The following PPM1L variants were observed in gnomAD, a reference collection of about 807,000 sequenced individuals.
PPM1L encodes the protein protein phosphatase 1L.
PPM1L carries 13 observed loss-of-function variants against 31.4 expected under a neutral mutation model. The ratio of observed to expected loss-of-function variants is 0.41; its 90% CI spans 0.27 to 0.66. PPM1L has a LOEUF of 0.66. Among genes scored for constraint, PPM1L ranks in the 30% least tolerant of loss-of-function variants. PPM1L has a pLI of 0.29. For synonymous variants in PPM1L, 184 were observed against 175.4 expected, an observed-to-expected ratio of 1.05 and a Z score of -0.39; for missense variants, 326 against 453.7, an observed-to-expected ratio of 0.72 and a Z score of 2.56.
intron 2 of PPM1L, among the ~76,000 whole-genome samples, chr3:160,980,896 CTT>C (rs1346234645): frequency 1.3e-5 from 2 of 152,034 alleles, no homozygotes; most frequent in Non-Finnish European, 2.9e-5. Flanking sequence ...TAGTCTTTCT[CTT>C]GTTTTTGCTG....
chr3:160,998,975 G>A (rs1165663662), intron 2 of PPM1L, among the ~76,000 whole-genome samples: 1 of 152,112 alleles, frequency 6.6e-6, no homozygotes, highest in Non-Finnish European at 1.5e-5. Context: ...AGAAAAGAAA[G>A]CCGGTGGTGA....
chr3:160,770,373 A>G (rs564071177), intron 1 of PPM1L, among the ~76,000 whole-genome samples: 1 of 152,330 alleles, frequency 6.6e-6, no homozygotes, highest in South Asian at 2.1e-4. Context: ...GAATGTAAAA[A>G]TGCCTTCAGT....
At chr3:160,849,919 C>A (rs1469430602) in intron 1 of PPM1L, among the ~76,000 whole-genome samples, 1 of 152,156 alleles carries the variant, frequency 6.6e-6, no homozygotes, top group African/African-American at 2.4e-5. Context: ...TGATACTTCG[C>A]TTCTGGCCAC....
At chr3:160,846,033 T>C (rs1714064669) in intron 1 of PPM1L, among the ~76,000 whole-genome samples, 1 of 152,064 alleles carries the variant, frequency 6.6e-6, no homozygotes, top group Non-Finnish European at 1.5e-5. Context: ...TAAAGGTGCT[T>C]CATAATACCA....
chr3:160,879,445 C>T (rs1267972704), intron 1 of PPM1L, among the ~76,000 whole-genome samples: 1 of 151,924 alleles, frequency 6.6e-6, no homozygotes, highest in Non-Finnish European at 1.5e-5. Flanking sequence ...TCTCCAAGGT[C>T]CCCCTCCCCA....
intron 1 of PPM1L, among the ~76,000 whole-genome samples, chr3:160,784,166 G>A (rs1300421512): frequency 6.6e-6 from 1 of 151,958 alleles, no homozygotes; most frequent in Admixed American, 6.6e-5. Flanking sequence ...TTTAAAAAAA[G>A]CGTACCTATC....
At chr3:160,831,749 G>A (rs1013103125) in intron 1 of PPM1L, among the ~76,000 whole-genome samples, 5 of 152,164 alleles carry the variant, frequency 3.3e-5, no homozygotes, top group African/African-American at 4.8e-5. Context: ...TTAGATTTGA[G>A]TTTCAACCAT....
chr3:161,055,390 G>A (rs371900830), intron 2 of PPM1L, among the ~76,000 whole-genome samples: 1 of 152,030 alleles, frequency 6.6e-6, no homozygotes, highest in Non-Finnish European at 1.5e-5. Flanking sequence ...TGTGGAAGGT[G>A]GGGGCTGGAA....
At chr3:161,063,039 A>G (rs975880791) in intron 2 of PPM1L, among the ~76,000 whole-genome samples, 2 of 152,342 alleles carry the variant, frequency 1.3e-5, no homozygotes, top group East Asian at 1.9e-4. Context: ...TGCTGAAGTA[A>G]TGCCTACAAG....
intron 2 of PPM1L, among the ~76,000 whole-genome samples, chr3:161,021,651 A>G (rs1238793162): frequency 1.3e-5 from 2 of 152,030 alleles, no homozygotes; most frequent in Admixed American, 6.5e-5. Context: ...TTGTTGAACT[A>G]TCTATTTTCC....
intron 1 of PPM1L, among the ~76,000 whole-genome samples, chr3:160,946,949 C>T (rs1180081234): frequency 2.0e-5 from 3 of 151,944 alleles, no homozygotes; most frequent in Non-Finnish European, 4.4e-5. Context: ...TATAAGACAC[C>T]CAGATATTTT....
At chr3:160,806,684 T>A (rs773744739) in intron 1 of PPM1L, among the ~76,000 whole-genome samples, 4 of 151,664 alleles carry the variant, frequency 2.6e-5, no homozygotes, top group African/African-American at 4.9e-5. Context: ...GCGGGGAGGA[T>A]TGCCTGAGCT....
At chr3:160,841,052 A>G (rs1374083629) in intron 1 of PPM1L, among the ~76,000 whole-genome samples, 1 of 152,218 alleles carries the variant, frequency 6.6e-6, no homozygotes, top group African/African-American at 2.4e-5. Flanking sequence ...AATCATTACA[A>G]TACATGAACC....
At chr3:160,879,472 A>G (rs1712629618) in intron 1 of PPM1L, among the ~76,000 whole-genome samples, 1 of 152,164 alleles carries the variant, frequency 6.6e-6, no homozygotes, top group Non-Finnish European at 1.5e-5. Flanking sequence ...ATCATTATAA[A>G]TGCTCATTAT....
intron 2 of PPM1L, among the ~76,000 whole-genome samples, chr3:161,063,480 A>AT (rs1719634082): frequency 1.4e-5 from 2 of 139,686 alleles, no homozygotes; most frequent in Non-Finnish European, 3.1e-5. Context: ...TATGATAGTT[A>AT]TTTTAATTCT....
intron 1 of PPM1L, among the ~76,000 whole-genome samples, chr3:160,864,926 A>T (rs1008748531): frequency 2.6e-5 from 4 of 152,244 alleles, no homozygotes; most frequent in East Asian, 3.8e-4. Context: ...AACTTCAGAT[A>T]AAAGTCCAAC....
chr3:161,020,571 G>A (rs778521429), intron 2 of PPM1L, among the ~76,000 whole-genome samples: 1 of 152,146 alleles, frequency 6.6e-6, no homozygotes, highest in Non-Finnish European at 1.5e-5. Flanking sequence ...GAATTAATTG[G>A]AAGTGCTCCT....
At position 160,869,521 on chromosome 3, in the gene PPM1L, C is replaced by G. The variant is rs1317862027; in HGVS notation, c.400-92215C>G. 3.3e-5 allele frequency among the ~76,000 whole-genome samples: 5 copies of G among 152,032 alleles called. No individual in the cohort carries two copies. In the East Asian group the frequency reaches 9.6e-4, roughly 29 times the overall value. Reference sequence around the variant, plus strand: ...AGGTTGTAAATTTTTTAAAGTTTTCCTCTTAACAGTATATATGGTATTTTT... The same window carrying G: ...AGGTTGTAAATTTTTTAAAGTTTTCGTCTTAACAGTATATATGGTATTTTT... On this transcript the variant is annotated intron_variant, in intron 1 of 3. Coordinates refer to ENST00000498165, the MANE Select transcript of PPM1L (RefSeq NM_139245.4).
At chr3:160,831,728 T>C (rs1259729319) in intron 1 of PPM1L, among the ~76,000 whole-genome samples, 6 of 152,106 alleles carry the variant, frequency 3.9e-5, no homozygotes, top group Non-Finnish European at 8.8e-5. Context: ...GTGAGCAGAG[T>C]TGTAAGAAAT....
Sources: allele counts gnomAD v4.1 joint callset (sites outside exome capture counted in the v4.1 genomes callset), GRCh38; gene constraint gnomAD v4.1.1; transcripts MANE v1.5; gene names NCBI Gene and HGNC (gene_info 2026-07-23, HGNC 2026-07-21).